Variants in DSCAM observed in about 807,000 individuals in gnomAD.
The protein encoded by DSCAM is DS cell adhesion molecule.
Under a neutral mutation model 217.7 loss-of-function variants are expected in DSCAM, and 47 were observed. The ratio of observed to expected loss-of-function variants is 0.22; its 90% confidence interval spans 0.17 to 0.28. The LOEUF (loss-of-function observed/expected upper bound fraction) is 0.28, where lower values mean the gene tolerates loss of function less well. Ranked by LOEUF, DSCAM falls within the 10% of genes least tolerant of loss-of-function variation. The probability of loss-of-function intolerance (pLI) is 1.00; values close to 1 mark genes in which losing one functional copy is unlikely to be tolerated. For synonymous variants in DSCAM, 1,056 were observed against 1,015.3 expected, an observed-to-expected ratio of 1.04 and a Z score of -0.76; for missense variants, 2,080 against 2,618.3, an observed-to-expected ratio of 0.79 and a Z score of 4.49.
intron 28 of DSCAM, among the ~76,000 whole-genome samples, chr21:40,056,832 C>G (rs551980461): frequency 6.6e-6 from 1 of 152,318 alleles, no homozygotes; most frequent in East Asian, 1.9e-4. Flanking sequence ...CTCTGTGTTA[C>G]TTTTAGTGGA....
intron 1 of DSCAM, among the ~76,000 whole-genome samples, chr21:40,780,427 A>ATATATATATATATATATG (rs1018779173): frequency 3.3e-5 from 4 of 120,438 alleles, no homozygotes; most frequent in African/African-American, 1.2e-4. Context: ...GTGTGTGTAT[A>ATATATATATATATATATG]TATATATATA....
At chr21:40,140,682 G>T (rs1044365640) in intron 18 of DSCAM, among the ~76,000 whole-genome samples, 1 of 152,150 alleles carries the variant, frequency 6.6e-6, no homozygotes, top group African/African-American at 2.4e-5. Flanking sequence ...AATTTTCATT[G>T]CTCTTTACTC....
In DSCAM at chr21:40,414,363, G is replaced by A. The variant is rs542317380; in HGVS notation, c.509-45118C>T. 3.9e-5 allele frequency among the ~76,000 whole-genome samples: 6 copies of A among 152,264 alleles called. No homozygotes were observed. The East Asian group carries it at 1.2e-3, about 29-fold the overall frequency. On this transcript the variant is annotated intron_variant, in intron 3 of 32. Coordinates refer to ENST00000400454, the MANE Select transcript of DSCAM (RefSeq NM_001389.5). ...CTTAGTGAAAGGAGATATATGAACA[G>A]TCAATTAGCATATTTTAAATGTTTA...
At chr21:40,085,787 G>A (rs1244111360) in intron 22 of DSCAM, 22 bp from the exon 23 acceptor site, 1 of 1,470,668 alleles carries the variant, frequency 6.8e-7, no homozygotes, top group South Asian at 1.5e-5. Flanking sequence ...GAAGAAAAAT[G>A]CACAGATTAA....
intron 32 of DSCAM, among the ~76,000 whole-genome samples, chr21:40,014,756 A>G (rs531007068): frequency 3.3e-5 from 5 of 152,218 alleles, no homozygotes; most frequent in African/African-American, 1.2e-4. Context: ...TTTCCCCAAT[A>G]AATTCCTTGT....
At chr21:40,254,604 G>A (rs756141361) in intron 11 of DSCAM, among the ~76,000 whole-genome samples, 6 of 152,160 alleles carry the variant, frequency 3.9e-5, no homozygotes, top group Non-Finnish European at 7.4e-5. Context: ...GTTCACGGGG[G>A]TGGGTATAAA....
At chr21:40,483,813 G>T (rs1345437597) in intron 3 of DSCAM, among the ~76,000 whole-genome samples, 1 of 152,132 alleles carries the variant, frequency 6.6e-6, no homozygotes, top group Non-Finnish European at 1.5e-5. Context: ...GTACACACGT[G>T]TCTTTTGTGT....
intron 1 of DSCAM, among the ~76,000 whole-genome samples, chr21:40,807,200 G>T (rs1341765843): frequency 6.6e-6 from 1 of 152,098 alleles, no homozygotes; most frequent in Non-Finnish European, 1.5e-5. Flanking sequence ...TTTATTAGGG[G>T]TTTATTATTA....
chr21:40,750,403 GCTTTTT>G (rs1301024728), intron 1 of DSCAM, among the ~76,000 whole-genome samples: 1 of 152,182 alleles, frequency 6.6e-6, no homozygotes, highest in Non-Finnish European at 1.5e-5. Flanking sequence ...TTTTCTTGCT[GCTTTTT>G]CTAAGTCTCT....
chr21:40,267,682 A>T lies in DSCAM; in HGVS notation c.2356+8415T>A, dbSNP rs2073558145. Among the ~76,000 whole-genome samples the T allele has an allele frequency of 7.2e-5, 11 of 152,276 alleles. No individual in the cohort carries two copies. The South Asian group carries it at 2.3e-3, about 32-fold the overall frequency. On this transcript the variant is annotated intron_variant, in intron 11 of 32. Transcript: ENST00000400454. ...GAGGCTGAGGCAGGCAGATCACTTG[A>T]GGTCAGGAGTTTGAGACCAGCCTGG...
intron 21 of DSCAM, among the ~76,000 whole-genome samples, chr21:40,089,028 A>G (rs141045433): frequency 1.3e-5 from 2 of 152,256 alleles, no homozygotes; most frequent in African/African-American, 2.4e-5. Context: ...ACTCTATTCC[A>G]TTGTTGTTCT....
At chr21:40,828,522 T>C (rs2091987629) in intron 1 of DSCAM, among the ~76,000 whole-genome samples, 1 of 152,112 alleles carries the variant, frequency 6.6e-6, no homozygotes, top group Admixed American at 6.5e-5. Flanking sequence ...CCTAGCCAAA[T>C]GGCACTCCGC....
chr21:40,432,379 T>A (rs900047515), intron 3 of DSCAM, among the ~76,000 whole-genome samples: 1 of 151,786 alleles, frequency 6.6e-6, no homozygotes, highest in Non-Finnish European at 1.5e-5. Context: ...TGGCCATCAC[T>A]CAGATCTCCA....
intron 1 of DSCAM, among the ~76,000 whole-genome samples, chr21:40,759,659 G>A (rs1382314948): frequency 1.3e-5 from 2 of 152,108 alleles, no homozygotes; most frequent in Admixed American, 6.5e-5. Context: ...GGCTGGCCTC[G>A]GAGCACTTGC....
chr21:40,350,486 CT>C (rs1034201333), intron 5 of DSCAM, among the ~76,000 whole-genome samples: 1 of 151,928 alleles, frequency 6.6e-6, no homozygotes, highest in Non-Finnish European at 1.5e-5. Flanking sequence ...GAAAAAAAAG[CT>C]TTTTTTTACC....
intron 1 of DSCAM, among the ~76,000 whole-genome samples, chr21:40,713,380 T>G (rs2090804416): frequency 6.6e-6 from 1 of 152,176 alleles, no homozygotes; most frequent in Admixed American, 6.5e-5. Flanking sequence ...CACAGTTACA[T>G]TAGGAAACTT....
At chr21:40,732,727 A>G (rs1348844676) in intron 1 of DSCAM, among the ~76,000 whole-genome samples, 2 of 152,254 alleles carry the variant, frequency 1.3e-5, no homozygotes, top group Non-Finnish European at 2.9e-5. Flanking sequence ...AGACAAATGC[A>G]TACAAATGAT....
At chr21:40,584,426 A>G (rs1402794662) in intron 3 of DSCAM, among the ~76,000 whole-genome samples, 2 of 152,246 alleles carry the variant, frequency 1.3e-5, no homozygotes, top group Non-Finnish European at 2.9e-5. Context: ...ATCAACTTTC[A>G]TCTCAGAAGC....
At chr21:40,482,241 C>A (rs190233465) in intron 3 of DSCAM, among the ~76,000 whole-genome samples, 1 of 152,198 alleles carries the variant, frequency 6.6e-6, no homozygotes, top group Non-Finnish European at 1.5e-5. Context: ...TATGACCACA[C>A]TGAACAGTTC....
Sources: allele counts gnomAD v4.1 joint callset (sites outside exome capture counted in the v4.1 genomes callset), GRCh38; gene constraint gnomAD v4.1.1; transcripts MANE v1.5; gene names NCBI Gene and HGNC (gene_info 2026-07-23, HGNC 2026-07-21).